Variants in KLF8 observed in about 807,000 individuals in gnomAD.
KLF8 encodes the protein KLF transcription factor 8, also known as Krueppel-like factor 8.
KLF8 carries 10 observed loss-of-function variants against 18.2 expected under a neutral mutation model. The ratio of observed to expected loss-of-function variants is 0.55; its 90% CI spans 0.34 to 0.93. The LOEUF (loss-of-function observed/expected upper bound fraction) is 0.93, where lower values mean the gene tolerates loss of function less well. Among genes scored for constraint, KLF8 ranks in the 40% least tolerant of loss-of-function variants. KLF8 has a pLI of 0.02. For synonymous variants in KLF8, 109 were observed against 97.3 expected (o/e 1.12, Z -0.71); for missense variants, 264 against 277.9 (o/e 0.95, Z 0.36).
chrX:56,080,843 C>T, the KLF8 span, among the ~76,000 whole-genome samples: 1 of 110,909 alleles, frequency 9.0e-6, no homozygotes, highest in Non-Finnish European at 1.9e-5. Flanking sequence ...AGGCTTAGCT[C>T]ATTTATTTTT....
intron 1 of KLF8, among the ~76,000 whole-genome samples, chrX:56,237,708 C>T (rs2066494726): frequency 8.9e-6 from 1 of 111,809 alleles, no homozygotes; most frequent in South Asian, 3.7e-4. Flanking sequence ...GTAAGCAGTG[C>T]ATTAGAGAGC....
the KLF8 span, among the ~76,000 whole-genome samples, chrX:56,081,291 T>C: frequency 8.9e-6 from 1 of 111,780 alleles, no homozygotes; most frequent in East Asian, 2.8e-4. Flanking sequence ...CTACTTTTGG[T>C]CTTTGATGAT....
the KLF8 span, among the ~76,000 whole-genome samples, chrX:55,933,115 T>C: frequency 8.9e-6 from 1 of 112,190 alleles, no homozygotes; most frequent in Non-Finnish European, 1.9e-5. Flanking sequence ...TGTTCTGATT[T>C]GTTTTATCAG....
chrX:56,220,204 C>G, the KLF8 span, among the ~76,000 whole-genome samples: 7 of 112,089 alleles, frequency 6.2e-5, no homozygotes, highest in African/African-American at 2.3e-4. Flanking sequence ...TATTCCTATT[C>G]CCTAAAGAGC....
At chrX:56,091,972 A>G in the KLF8 span, among the ~76,000 whole-genome samples, 1 of 99,091 alleles carries the variant, frequency 1.0e-5, no homozygotes, top group African/African-American at 3.9e-5. Context: ...CCTCACCAAC[A>G]TCTATTGTTT....
chrX:56,179,818 GC>G, the KLF8 span, among the ~76,000 whole-genome samples: 1 of 112,014 alleles, frequency 8.9e-6, no homozygotes, highest in South Asian at 3.8e-4. Context: ...TGTTGAAACA[GC>G]CTTGCATCCC....
the KLF8 span, among the ~76,000 whole-genome samples, chrX:56,190,382 G>C: frequency 9.0e-6 from 1 of 111,344 alleles, no homozygotes; most frequent in Non-Finnish European, 1.9e-5. Context: ...AATTAGAGCT[G>C]GAGACTCCTG....
chrX:55,966,696 T>A, the KLF8 span, among the ~76,000 whole-genome samples: 1 of 111,624 alleles, frequency 9.0e-6, no homozygotes, highest in Non-Finnish European at 1.9e-5. Flanking sequence ...CAATAAATAC[T>A]CAACTCTTCA....
chrX:56,054,277 G>T, the KLF8 span, among the ~76,000 whole-genome samples: 2 of 111,069 alleles, frequency 1.8e-5, no homozygotes, highest in African/African-American at 6.5e-5. Flanking sequence ...GAGATTCTGG[G>T]ATGTTGTATC....
At chrX:56,137,179 T>C in the KLF8 span, among the ~76,000 whole-genome samples, 2 of 109,732 alleles carry the variant, frequency 1.8e-5, no homozygotes, top group South Asian at 4.0e-4. Flanking sequence ...AGTTCAACCA[T>C]TGTGGAAGTC....
chrX:56,074,375 G>T, the KLF8 span, among the ~76,000 whole-genome samples: 1 of 110,589 alleles, frequency 9.0e-6, no homozygotes, highest in African/African-American at 3.3e-5. Flanking sequence ...CCAAATCCAA[G>T]GTCATGAAAT....
At chrX:56,152,558 CT>C in the KLF8 span, among the ~76,000 whole-genome samples, 1 of 110,987 alleles carries the variant, frequency 9.0e-6, no homozygotes, top group African/African-American at 3.3e-5. Flanking sequence ...CAAAGTGGCA[CT>C]TTTTCAATAT....
chrX:55,951,145 A>G, the KLF8 span, among the ~76,000 whole-genome samples: 8 of 111,361 alleles, frequency 7.2e-5, no homozygotes, highest in Admixed American at 7.7e-4. Context: ...CTGCTGGGTC[A>G]ATTCAGTAAA....
the KLF8 span, among the ~76,000 whole-genome samples, chrX:55,958,073 CACTT>C: frequency 1.8e-5 from 2 of 112,019 alleles, no homozygotes; most frequent in African/African-American, 6.5e-5. Flanking sequence ...AATAATTTGA[CACTT>C]ACTCCTTTGA....
At chrX:56,051,856 C>T in the KLF8 span, among the ~76,000 whole-genome samples, 2 of 108,573 alleles carry the variant, frequency 1.8e-5, no homozygotes, top group Non-Finnish European at 3.8e-5. Flanking sequence ...TAATACCCTG[C>T]AGAGTGTTTT....
intron 5 of KLF8, among the ~76,000 whole-genome samples, chrX:56,282,055 A>C (rs1220382015): frequency 1.8e-5 from 2 of 112,840 alleles, no homozygotes; most frequent in Admixed American, 1.9e-4. Context: ...TTGAGAGATC[A>C]CAACAAAATG....
the KLF8 span, among the ~76,000 whole-genome samples, chrX:56,162,892 T>C: frequency 8.9e-6 from 1 of 111,821 alleles, no homozygotes; most frequent in African/African-American, 3.3e-5. Flanking sequence ...CACCTGTTCC[T>C]AATCGGCCAC....
the KLF8 span, among the ~76,000 whole-genome samples, chrX:56,111,287 G>A: frequency 9.0e-6 from 1 of 111,644 alleles, no homozygotes; most frequent in Admixed American, 9.5e-5. Context: ...TTGGCTTTCA[G>A]CAGTTTGATT....
chrX:55,966,494 T>A, the KLF8 span, among the ~76,000 whole-genome samples: 1 of 112,072 alleles, frequency 8.9e-6, no homozygotes, highest in Non-Finnish European at 1.9e-5. Context: ...CTTCCACAAC[T>A]TATCTAGGAT....
Sources: allele counts gnomAD v4.1 joint callset (sites outside exome capture counted in the v4.1 genomes callset), GRCh38; gene constraint gnomAD v4.1.1; transcripts MANE v1.5; gene names NCBI Gene and HGNC (gene_info 2026-07-23, HGNC 2026-07-21).